The following EYA1 variants were observed in gnomAD, a reference collection of about 807,000 sequenced individuals.
EYA1 encodes the protein protein phosphatase EYA1.
EYA1 carries 16 observed loss-of-function variants against 82.0 expected under a neutral mutation model. The observed-to-expected ratio is 0.20, with a 90% CI of 0.13 to 0.30. The LOEUF is 0.30. EYA1 is among the 10% of genes least tolerant of loss of function. The probability of loss-of-function intolerance (pLI) is 1.00; values close to 1 mark genes in which losing one functional copy is unlikely to be tolerated. For missense variants in EYA1, 633 were observed against 730.7 expected (o/e 0.87, Z 1.54); for synonymous variants, 261 against 264.4 (o/e 0.99, Z 0.12).
intron 12 of EYA1, among the ~76,000 whole-genome samples, chr8:71,222,229 G>A (rs1810013619): frequency 6.6e-6 from 1 of 152,150 alleles, no homozygotes; most frequent in South Asian, 2.1e-4. Flanking sequence ...TGGTAACTCG[G>A]ATACCTTCCA....
At chr8:71,354,559 T>C (rs1826652534) in intron 3 of EYA1, among the ~76,000 whole-genome samples, 1 of 152,228 alleles carries the variant, frequency 6.6e-6, no homozygotes, top group Admixed American at 6.5e-5. Context: ...TATATATGTA[T>C]ATGCATTTGG....
At chr8:71,438,752 A>C (rs937240299) in intron 2 of EYA1, among the ~76,000 whole-genome samples, 1 of 152,188 alleles carries the variant, frequency 6.6e-6, no homozygotes, top group Non-Finnish European at 1.5e-5. Context: ...GAGACAGGCA[A>C]TGCCACAGTG....
chr8:71,357,186 T>C (rs1232136275), intron 1 of EYA1, among the ~76,000 whole-genome samples: 1 of 152,240 alleles, frequency 6.6e-6, no homozygotes, highest in African/African-American at 2.4e-5. Flanking sequence ...TTCAATGGGT[T>C]CTTATCAGTT....
At chr8:71,298,751 C>G (rs1358051072) in intron 9 of EYA1, among the ~76,000 whole-genome samples, 1 of 152,066 alleles carries the variant, frequency 6.6e-6, no homozygotes, top group African/African-American at 2.4e-5. Flanking sequence ...ATAGTTATAG[C>G]TAAGTATTTA....
intron 7 of EYA1, among the ~76,000 whole-genome samples, chr8:71,310,737 A>G (rs1821247085): frequency 6.6e-6 from 1 of 152,092 alleles, no homozygotes; most frequent in African/African-American, 2.4e-5. Context: ...AATTTTTATT[A>G]TGCTACATTC....
intron 11 of EYA1, among the ~76,000 whole-genome samples, chr8:71,263,189 C>T (rs1487610087): frequency 6.6e-6 from 1 of 152,204 alleles, no homozygotes; most frequent in Non-Finnish European, 1.5e-5. Flanking sequence ...AATCGCCCAG[C>T]CTCCCCTGCA....
At chr8:71,515,238 CCAGATAAGTAACTTGATGTGCATTCCCA>C (rs2129260851) in intron 2 of EYA1, among the ~76,000 whole-genome samples, 1 of 152,126 alleles carries the variant, frequency 6.6e-6, no homozygotes, top group African/African-American at 2.4e-5. Context: ...ATGAGGAAGG[CCAGATAAGTAACTTGATGTGCATTCCCA>C]CAGCTGGTCA....
At chr8:71,401,464 TTTCA>T (rs1413736499) in intron 2 of EYA1, among the ~76,000 whole-genome samples, 1 of 152,220 alleles carries the variant, frequency 6.6e-6, no homozygotes, top group Non-Finnish European at 1.5e-5. Context: ...AATAATTAAT[TTTCA>T]TTGTTTTCAG....
intron 4 of EYA1, among the ~76,000 whole-genome samples, chr8:71,330,057 C>G (rs1797955447): frequency 1.3e-5 from 2 of 152,034 alleles, no homozygotes; most frequent in African/African-American, 4.8e-5. Flanking sequence ...GCATGTCTAC[C>G]ACATGGGAGG....
intron 2 of EYA1, among the ~76,000 whole-genome samples, chr8:71,466,178 A>G (rs1050283815): frequency 6.6e-6 from 1 of 152,322 alleles, no homozygotes; most frequent in East Asian, 1.9e-4. Context: ...CCTCAGAAAT[A>G]TGACTAAATA....
intron 2 of EYA1, among the ~76,000 whole-genome samples, chr8:71,414,070 G>T (rs1485903738): frequency 6.6e-6 from 1 of 152,200 alleles, no homozygotes; most frequent in Admixed American, 6.5e-5. Context: ...CAACCTCCAG[G>T]AAGCTTCAGC....
At chr8:71,277,115 A>ATTTTTTTTTTTT (rs9298167) in intron 9 of EYA1, among the ~76,000 whole-genome samples, 13 of 76,944 alleles carry the variant, frequency 1.7e-4, no homozygotes, top group South Asian at 6.3e-4. Context: ...GGCTTCACAC[A>ATTTTTTTTTTTT]TTTTTTTTTT....
At chr8:71,469,804 A>G (rs947315606) in intron 2 of EYA1, among the ~76,000 whole-genome samples, 1 of 152,040 alleles carries the variant, frequency 6.6e-6, no homozygotes, top group Non-Finnish European at 1.5e-5. Context: ...GTCTAAGGGT[A>G]GATACATGAT....
intron 11 of EYA1, among the ~76,000 whole-genome samples, chr8:71,250,583 G>C (rs1813635901): frequency 6.6e-6 from 1 of 152,148 alleles, no homozygotes; most frequent in African/African-American, 2.4e-5. Context: ...GTATGAAACT[G>C]TTATTTGCAG....
At chr8:71,356,631 G>A (rs1826910621) in intron 1 of EYA1, 120 bp from the exon 2 acceptor site, 2 of 1,412,624 alleles carry the variant, frequency 1.4e-6, no homozygotes, top group East Asian at 2.6e-5. Flanking sequence ...AGAGAAAAAG[G>A]AGGATACTGC....
chr8:71,509,118 A>C (rs1396834648), intron 2 of EYA1, among the ~76,000 whole-genome samples: 1 of 151,752 alleles, frequency 6.6e-6, no homozygotes, highest in Middle Eastern at 3.2e-3. Context: ...TTACTGGGGG[A>C]GGTGGAGGGT....
intron 2 of EYA1, among the ~76,000 whole-genome samples, chr8:71,428,532 G>A (rs1805400376): frequency 6.6e-6 from 1 of 152,106 alleles, no homozygotes; most frequent in Non-Finnish European, 1.5e-5. Flanking sequence ...TAAAAAACTA[G>A]GGGAAATACT....
chr8:71,231,838 A>T (rs535607975), intron 12 of EYA1, among the ~76,000 whole-genome samples: 74 of 152,258 alleles, frequency 4.9e-4, no homozygotes, highest in African/African-American at 1.5e-3. Flanking sequence ...AACATTTCCA[A>T]AATAGATTTT....
chr8:71,217,451 C>A (rs992923598), intron 12 of EYA1, among the ~76,000 whole-genome samples: 2 of 152,160 alleles, frequency 1.3e-5, no homozygotes, highest in East Asian at 3.9e-4. Context: ...AAATTATGAC[C>A]TCTGATTGCT....
Sources: allele counts gnomAD v4.1 joint callset (sites outside exome capture counted in the v4.1 genomes callset), GRCh38; gene constraint gnomAD v4.1.1; transcripts MANE v1.5; gene names NCBI Gene and HGNC (gene_info 2026-07-23, HGNC 2026-07-21).